The following CBFB variants were observed in gnomAD, a reference collection of about 807,000 sequenced individuals.
CBFB encodes the protein CBF-beta.
A neutral mutation model predicts 30.4 loss-of-function variants in CBFB; 9 were observed. The ratio of observed to expected loss-of-function variants is 0.30; its 90% CI spans 0.18 to 0.52. The LOEUF (loss-of-function observed/expected upper bound fraction) is 0.52. CBFB is among the 20% of genes least tolerant of loss of function. The pLI, the probability that CBFB is intolerant of heterozygous loss-of-function variation, is 0.97. For synonymous variants in CBFB, 94 were observed against 84.0 expected, an observed-to-expected ratio of 1.12 and a Z score of -0.65; for missense variants, 170 against 244.0, an observed-to-expected ratio of 0.70 and a Z score of 2.02.
chr16:67,046,903 C>A (rs766460512), intron 3 of CBFB, among the ~76,000 whole-genome samples: 36 of 152,048 alleles, frequency 2.4e-4, no homozygotes, highest in Non-Finnish European at 2.9e-5. Context: ...ATTATTGTTC[C>A]TTTTTTTATG....
chr16:67,076,123 G>A (rs1230540274), intron 4 of CBFB, among the ~76,000 whole-genome samples: 1 of 152,050 alleles, frequency 6.6e-6, no homozygotes, highest in African/African-American at 2.4e-5. Flanking sequence ...CAAGCTGCTC[G>A]GGAGGCTGAG....
intron 3 of CBFB, among the ~76,000 whole-genome samples, chr16:67,046,738 A>T (rs1447274676): frequency 6.6e-6 from 1 of 152,032 alleles, no homozygotes; most frequent in East Asian, 1.9e-4. Context: ...CAGGGAAGAA[A>T]ACGTTTGTAA....
intron 3 of CBFB, among the ~76,000 whole-genome samples, chr16:67,047,748 C>T (rs1178522557): frequency 1.3e-5 from 2 of 152,094 alleles, no homozygotes; most frequent in Non-Finnish European, 2.9e-5. Context: ...CTATCCATCC[C>T]TTTGCTATCC....
intron 3 of CBFB, among the ~76,000 whole-genome samples, chr16:67,064,232 A>G (rs1198714113): frequency 1.3e-5 from 2 of 152,172 alleles, no homozygotes; most frequent in Admixed American, 6.5e-5. Context: ...TTTGAGACAG[A>G]GTCTAGCTTT....
chr16:67,073,994 A>C (rs1003674339), intron 4 of CBFB, among the ~76,000 whole-genome samples: 2 of 152,022 alleles, frequency 1.3e-5, no homozygotes, highest in African/African-American at 4.8e-5. Flanking sequence ...GTGCCACTGC[A>C]CTCCAAGCCT....
At chr16:67,079,730 A>G (rs1961502980) in intron 4 of CBFB, among the ~76,000 whole-genome samples, 1 of 152,132 alleles carries the variant, frequency 6.6e-6, no homozygotes, top group Non-Finnish European at 1.5e-5. Flanking sequence ...TTTCTGTCTC[A>G]TTGGCTACAA....
chr16:67,073,615 G>T (rs553820360), intron 4 of CBFB, among the ~76,000 whole-genome samples: 1 of 152,120 alleles, frequency 6.6e-6, no homozygotes, highest in African/African-American at 2.4e-5. Flanking sequence ...GGTGGTGCGT[G>T]CCTGTGGTTC....
Position 67,100,719 on chromosome 16 carries a change from A to C in CBFB, c.*1941A>C, listed in dbSNP as rs1962196405. 1 of 218,188 alleles carries C rather than the reference A, an allele frequency of 4.6e-6. No homozygotes were observed. Among genetic ancestry groups the C allele is most frequent in the Non-Finnish European group, 9.2e-6 (1 of 108,426 alleles). 13.5% of individuals were successfully genotyped at this position (218,188 alleles called of 1,614,324 possible). A position where few individuals can be genotyped will look rare whatever the true frequency, so the allele number is the denominator to read the frequency against. ...TCGGTCCACCAGTAAATAAGATCAA[A>C]TGCTCTTAAATGTTCCTGTTACCAT... On this transcript the variant is annotated 3_prime_UTR_variant, in exon 6 of 6. Coordinates refer to ENST00000412916, the MANE Select transcript of CBFB (RefSeq NM_022845.3).
chr16:67,055,871 A>C (rs1429368780), intron 3 of CBFB, among the ~76,000 whole-genome samples: 1 of 152,172 alleles, frequency 6.6e-6, no homozygotes, highest in South Asian at 2.1e-4. Context: ...CATGTGGCTA[A>C]AGGAGGATGA....
At chr16:67,087,494 G>A (rs1367192139) in intron 5 of CBFB, among the ~76,000 whole-genome samples, 2 of 152,204 alleles carry the variant, frequency 1.3e-5, no homozygotes, top group African/African-American at 2.4e-5. Flanking sequence ...GGTCAAGGCT[G>A]TAGTGAACTA....
intron 4 of CBFB, among the ~76,000 whole-genome samples, chr16:67,077,383 C>T (rs955892807): frequency 2.6e-5 from 4 of 152,090 alleles, no homozygotes; most frequent in African/African-American, 4.8e-5. Context: ...CATGAAGCAA[C>T]GTATAAACAG....
At chr16:67,072,472 T>C (rs1961252888) in intron 4 of CBFB, among the ~76,000 whole-genome samples, 1 of 151,898 alleles carries the variant, frequency 6.6e-6, no homozygotes, top group Non-Finnish European at 1.5e-5. Flanking sequence ...TCTTTTTTTT[T>C]CTTTTTTTTT....
intron 5 of CBFB, among the ~76,000 whole-genome samples, chr16:67,094,178 G>T (rs7198767): frequency 0.15 from 21,785 of 146,922 alleles, 3,558 homozygotes; most frequent in African/African-American, 0.41. Flanking sequence ...GGGGTGGTCT[G>T]GAACTCCAGG....
At position 67,029,737 on chromosome 16, in the gene CBFB, C is replaced by T. The variant is rs1966300197; in HGVS notation, c.89C>T (p.Thr30Met). 3 of 1,594,218 alleles carry T rather than the reference C, an allele frequency of 1.9e-6. No individual in the cohort carries two copies. The highest frequency in any genetic ancestry group is 1.4e-5 in the African/African-American group (1 of 72,270). Reference sequence around the variant, plus strand: ...CGTCTTGCCTTGCAGATTAAGTACACGGGCTTCAGGGACCGGCCCCACGAG... The same window carrying T: ...CGTCTTGCCTTGCAGATTAAGTACATGGGCTTCAGGGACCGGCCCCACGAG... ...KLSRECEIKY[T>M]GFRDRPHEER... The change falls in exon 2 of 6, where the codon ACG (threonine) becomes ATG (methionine). Residue 30 changes from threonine to methionine, a missense_variant. Coordinates refer to ENST00000412916, the MANE Select transcript of CBFB (RefSeq NM_022845.3).
chr16:67,038,163 C>T (rs1337365265), intron 3 of CBFB, among the ~76,000 whole-genome samples: 1 of 151,860 alleles, frequency 6.6e-6, no homozygotes, highest in African/African-American at 2.4e-5. Flanking sequence ...GTACCCGTTT[C>T]TATCAACTTA....
intron 3 of CBFB, among the ~76,000 whole-genome samples, chr16:67,060,680 C>T (rs752414137): frequency 3.9e-5 from 6 of 152,072 alleles, no homozygotes; most frequent in Non-Finnish European, 7.4e-5. Flanking sequence ...CTCAGCCTCC[C>T]GAGTAGCTGG....
intron 4 of CBFB, among the ~76,000 whole-genome samples, chr16:67,070,563 A>G (rs1171732828): frequency 1.3e-5 from 2 of 152,130 alleles, no homozygotes; most frequent in Admixed American, 6.6e-5. Context: ...AAACTAAAGT[A>G]TTTTGACAGG....
intron 5 of CBFB, among the ~76,000 whole-genome samples, chr16:67,097,829 G>A (rs1835489851): frequency 6.6e-6 from 1 of 152,180 alleles, no homozygotes; most frequent in African/African-American, 2.4e-5. Context: ...GAGGCCGAGT[G>A]AGGCAGGAGG....
At chr16:67,073,591 C>A (rs981975047) in intron 4 of CBFB, among the ~76,000 whole-genome samples, 2 of 147,852 alleles carry the variant, frequency 1.4e-5, no homozygotes, top group Non-Finnish European at 3.0e-5. Flanking sequence ...ACTGAAAATT[C>A]AAAAATTAGC....
Sources: gnomAD v4.1 joint callset for allele counts (sites outside exome capture counted in the v4.1 genomes callset) on GRCh38, gnomAD v4.1.1 for gene constraint, MANE v1.5 for transcripts, NCBI Gene and HGNC (gene_info 2026-07-23, HGNC 2026-07-21) for gene names.